Variants in TNK2 observed in about 807,000 individuals in gnomAD.
TNK2 encodes tyrosine kinase non receptor 2.
TNK2 carries 83 observed loss-of-function variants against 101.8 expected under a neutral mutation model. The ratio of observed to expected loss-of-function variants is 0.82; its 90% CI spans 0.68 to 0.98. The LOEUF is 0.98. Ranked by LOEUF, TNK2 falls within the 50% of genes least tolerant of loss-of-function variation. TNK2 has a pLI of 0.00. For synonymous variants in TNK2, 804 were observed against 633.0 expected (o/e 1.27, Z -4.06); for missense variants, 1,665 against 1,483.2 (o/e 1.12, Z -2.01).
At chr3:195,895,645 G>C (rs1760273962) in intron 1 of TNK2, 1 of 1,266,664 alleles carries the variant, frequency 7.9e-7, no homozygotes, top group South Asian at 2.6e-5. Flanking sequence ...CTCTGCCTTC[G>C]CCGGCCGCGG....
At position 195,878,815 on chromosome 3, in the gene TNK2, G is replaced by A. The variant is rs1487260788; in HGVS notation, c.1015-223C>T. Reference sequence around the variant, plus strand: ...ATGTGGCAAGGGCTAGAGAAGGAGGGCAGGCCCCAGCTTTTCCCTCCCCGT... The same window carrying A: ...ATGTGGCAAGGGCTAGAGAAGGAGGACAGGCCCCAGCTTTTCCCTCCCCGT... On this transcript the variant is annotated intron_variant, in intron 7 of 15. Coordinates refer to ENST00000672887, the MANE Select transcript of TNK2 (RefSeq NM_001382273.1). This position sits in a 1 kb window ranked among gnomAD's most constrained non-coding sequence, Gnocchi z 4.7. Among the ~76,000 whole-genome samples, 3 of 152,228 alleles carry A rather than the reference G, an allele frequency of 2.0e-5. No homozygotes were observed. The highest frequency in any genetic ancestry group is 2.0e-4 in the Admixed American group (3 of 15,284).
At chr3:195,865,331 C>A (rs1576971453) in intron 15 of TNK2, among the ~76,000 whole-genome samples, 1 of 119,820 alleles carries the variant, frequency 8.3e-6, no homozygotes. Flanking sequence ...CAGGTGACAG[C>A]GAGTGCCTGC....
At chr3:195,905,554 T>C (rs917073371) in intron 1 of TNK2, among the ~76,000 whole-genome samples, 3 of 152,008 alleles carry the variant, frequency 2.0e-5, no homozygotes, top group Non-Finnish European at 4.4e-5. Context: ...ATACATCTTT[T>C]TAATAAATGG....
chr3:195,877,323 T>A (rs1439366367), intron 9 of TNK2, among the ~76,000 whole-genome samples: 1 of 151,226 alleles, frequency 6.6e-6, no homozygotes, highest in African/African-American at 2.4e-5. Flanking sequence ...AGGCTCGGGG[T>A]GTCGGGGCCA....
At chr3:195,907,047 G>A (rs1242944220) in intron 1 of TNK2, among the ~76,000 whole-genome samples, 1 of 152,176 alleles carries the variant, frequency 6.6e-6, no homozygotes, top group African/African-American at 2.4e-5. Flanking sequence ...GATATAACCA[G>A]ATCAAAAGCA....
intron 1 of TNK2, among the ~76,000 whole-genome samples, chr3:195,902,463 C>A (rs1761300036): frequency 6.6e-6 from 1 of 151,728 alleles, no homozygotes; most frequent in South Asian, 2.1e-4. Flanking sequence ...ACTAAAAATA[C>A]AAAAGTTAGC....
In TNK2 at chr3:195,868,537, G is replaced by A. The variant is rs954432163; in HGVS notation, c.1761C>T (p.Asp587=). 1.4e-5 allele frequency: 22 copies of A among 1,566,132 alleles called. No homozygotes were observed. The highest frequency in any genetic ancestry group is 1.8e-4 in the Middle Eastern group (1 of 5,612). ...CCGGGACCACGGGCTCCTCACCGAA[G>A]TCGATGAGCGTGACCTCAGCCCCGC... ...RGSGAEVTLI[D]FGEEPVVPAL... is the part of the protein sequence containing the mutation. Residue 587 remains aspartate, a synonymous_variant, in exon 13 of 16, where the codon GAC becomes GAT. Coordinates refer to ENST00000672887, the MANE Select transcript of TNK2 (RefSeq NM_001382273.1).
chr3:195,891,137 G>A (rs551741164), intron 1 of TNK2, among the ~76,000 whole-genome samples: 2 of 152,266 alleles, frequency 1.3e-5, no homozygotes, highest in South Asian at 2.1e-4. Context: ...ATAACATCTA[G>A]GCCAAGCACA....
intron 1 of TNK2, among the ~76,000 whole-genome samples, chr3:195,900,552 G>A (rs778274565): frequency 2.0e-5 from 3 of 152,190 alleles, no homozygotes; most frequent in South Asian, 2.1e-4. Context: ...TGTCAACGCC[G>A]ACACAAAGAG....
intron 1 of TNK2, among the ~76,000 whole-genome samples, chr3:195,903,119 C>A (rs1038507544): frequency 2.0e-5 from 3 of 150,614 alleles, no homozygotes; most frequent in Admixed American, 2.0e-4. Flanking sequence ...CGGCTTACTG[C>A]AACCTCCACC....
chr3:195,896,540 T>C (rs1760550204), intron 1 of TNK2, among the ~76,000 whole-genome samples: 1 of 152,152 alleles, frequency 6.6e-6, no homozygotes, highest in Non-Finnish European at 1.5e-5. Flanking sequence ...AGGCACATAC[T>C]AGTCTTGGGA....
At chr3:195,900,680 G>A (rs951617758) in intron 1 of TNK2, among the ~76,000 whole-genome samples, 3 of 152,204 alleles carry the variant, frequency 2.0e-5, no homozygotes, top group South Asian at 2.1e-4. Context: ...TCCCATGCAC[G>A]CCACACATGC....
rs1372306393 is a variant in TNK2 at position 195,888,357 on chromosome 3, C to T, written c.163+69G>A. ...GAGTTCTCAGCTGCCACCCGTGCACCGAGTGGTCCTGAGGACAGAGGACGG... is the reference window on the plus strand; with the variant it reads ...GAGTTCTCAGCTGCCACCCGTGCACTGAGTGGTCCTGAGGACAGAGGACGG... On this transcript the variant is annotated intron_variant, in intron 2 of 15. Coordinates refer to ENST00000672887, the MANE Select transcript of TNK2 (RefSeq NM_001382273.1). This position sits in a 1 kb window ranked among gnomAD's most constrained non-coding sequence, Gnocchi z 5.3. 4.7e-5 allele frequency: 72 copies of T among 1,538,934 alleles called. No individual in the cohort carries two copies. Among genetic ancestry groups the T allele is most frequent in the Non-Finnish European group, 5.7e-5 (64 of 1,127,396 alleles).
chr3:195,899,211 T>A (rs1330279867), intron 1 of TNK2, among the ~76,000 whole-genome samples: 6 of 152,256 alleles, frequency 3.9e-5, no homozygotes, highest in Admixed American at 3.9e-4. Flanking sequence ...TCAAATGCCA[T>A]CTCTTCTGTA....
chr3:195,869,957 A>G (rs976281262), intron 11 of TNK2, 157 bp downstream of exon 11: 17 of 614,308 alleles, frequency 2.8e-5, no homozygotes, highest in Admixed American at 9.9e-5. Flanking sequence ...CTTCCACCCC[A>G]CGCCCAGCCG....
chr3:195,870,371 G>C (rs553723329), intron 10 of TNK2, 166 bp from the exon 11 acceptor site: 5 of 1,482,524 alleles, frequency 3.4e-6, no homozygotes, highest in South Asian at 1.2e-5. Context: ...TCTCAGCTGG[G>C]GGGTGTCCTG....
chr3:195,884,569 G>C (rs1366617634), intron 4 of TNK2: 1 of 455,704 alleles, frequency 2.2e-6, no homozygotes, highest in Admixed American at 3.9e-5. Context: ...CTTGAACCCG[G>C]AAAGTGGAGG....
chr3:195,907,951 T>C (rs1761908989), intron 1 of TNK2: 1 of 152,278 alleles, frequency 6.6e-6, no homozygotes, highest in Non-Finnish European at 1.5e-5. Context: ...AAATCAGCTG[T>C]GACAGGACGG....
Position 195,883,166 on chromosome 3 carries a change from G to A in TNK2, c.600C>T (p.Pro200=). 9 of 1,551,932 alleles carry A rather than the reference G, an allele frequency of 5.8e-6. No homozygotes were observed. The highest frequency in any genetic ancestry group is 1.7e-4 in the Middle Eastern group (1 of 5,800). The change falls in exon 5 of 16, where the codon CCC becomes CCT. Residue 200 remains proline (P), a synonymous_variant. Coordinates refer to ENST00000672887, the MANE Select transcript of TNK2 (RefSeq NM_001382273.1). ...CGCCCGCAGTACTCACCATCTTCAT[G>A]GGCGGCGTGAGCACCACCCCGTAGA... ...IRLYGVVLTP[P]MKMVTELAPL...
Sources: gnomAD v4.1 joint callset for allele counts (sites outside exome capture counted in the v4.1 genomes callset) on GRCh38, gnomAD v4.1.1 for gene constraint, Gnocchi (gnomAD v3.1) non-coding constraint, MANE v1.5 for transcripts, NCBI Gene and HGNC (gene_info 2026-07-23, HGNC 2026-07-21) for gene names.